Variants in MAEL observed in about 807,000 individuals in gnomAD.
MAEL encodes the protein protein maelstrom homolog.
MAEL carries 46 observed loss-of-function variants against 62.0 expected under a neutral mutation model. The ratio of observed to expected loss-of-function variants is 0.74; its 90% CI spans 0.59 to 0.95. The LOEUF is 0.95. Among genes scored for constraint, MAEL ranks in the 40% least tolerant of loss-of-function variants. MAEL has a pLI of 0.00. For missense variants in MAEL, 497 were observed against 526.8 expected (o/e 0.94, Z 0.55); for synonymous variants, 172 against 175.5 (o/e 0.98, Z 0.16).
intron 1 of MAEL, among the ~76,000 whole-genome samples, chr1:166,981,545 T>C (rs1021321577): frequency 1.3e-5 from 2 of 152,138 alleles, no homozygotes; most frequent in African/African-American, 4.8e-5. Flanking sequence ...TGACAGGGCC[T>C]GTATTAGGAC....
upstream of MAEL, among the ~76,000 whole-genome samples, chr1:166,984,156 A>G (rs1415534231): frequency 6.6e-6 from 1 of 152,106 alleles, no homozygotes; most frequent in Non-Finnish European, 1.5e-5. Context: ...CCCATGGGTT[A>G]CTCAAGCCAA....
chr1:167,002,993 C>T (rs1212669186), intron 5 of MAEL, among the ~76,000 whole-genome samples: 2 of 152,134 alleles, frequency 1.3e-5, no homozygotes, highest in African/African-American at 4.8e-5. Flanking sequence ...GATTCATTCA[C>T]CGCATTTTTG....
intron 1 of MAEL, among the ~76,000 whole-genome samples, chr1:166,980,568 A>G (rs1663730522): frequency 6.6e-6 from 1 of 152,182 alleles, no homozygotes; most frequent in Non-Finnish European, 1.5e-5. Flanking sequence ...GCAGTTAATC[A>G]AGTTAATTAT....
At chr1:167,019,273 A>G (rs1480107492) in intron 10 of MAEL, among the ~76,000 whole-genome samples, 1 of 152,192 alleles carries the variant, frequency 6.6e-6, no homozygotes, top group Non-Finnish European at 1.5e-5. Flanking sequence ...CTAAAATATC[A>G]TTAGTGCCCA....
chr1:167,005,456 AT>A, intron 8 of MAEL, 59 bp downstream of exon 8: 2 of 1,477,084 alleles, frequency 1.4e-6, no homozygotes, highest in Non-Finnish European at 1.8e-6. Flanking sequence ...CTGAGAAAAT[AT>A]GGTAGGACTA....
At chr1:167,011,047 C>T (rs1325084647) in intron 8 of MAEL, among the ~76,000 whole-genome samples, 3 of 151,896 alleles carry the variant, frequency 2.0e-5, no homozygotes, top group Admixed American at 6.6e-5. Flanking sequence ...CCCCCTTCCT[C>T]TTTCACTTAG....
intron 8 of MAEL, among the ~76,000 whole-genome samples, chr1:167,009,334 T>C (rs780454124): frequency 6.6e-6 from 1 of 152,184 alleles, no homozygotes; most frequent in African/African-American, 2.4e-5. Flanking sequence ...TTCCTTGAGT[T>C]TCTAGAAAAT....
chr1:167,010,158 T>A (rs768502061), intron 8 of MAEL, among the ~76,000 whole-genome samples: 1 of 152,166 alleles, frequency 6.6e-6, no homozygotes, highest in Non-Finnish European at 1.5e-5. Context: ...GCATTTCCCC[T>A]GTTTGCACTC....
chr1:166,976,273 G>A (rs1177698816), intron 1 of MAEL, among the ~76,000 whole-genome samples: 1 of 152,172 alleles, frequency 6.6e-6, no homozygotes, highest in African/African-American at 2.4e-5. Context: ...GTCTCAAAAT[G>A]TATGTGTTGA....
chr1:166,995,129 T>C (rs1406793650), intron 5 of MAEL, among the ~76,000 whole-genome samples: 2 of 152,184 alleles, frequency 1.3e-5, no homozygotes, highest in South Asian at 4.1e-4. Flanking sequence ...GACTTATATT[T>C]GGTTGTATAT....
At chr1:167,012,707 G>A (rs1346262711) in intron 8 of MAEL, among the ~76,000 whole-genome samples, 1 of 152,174 alleles carries the variant, frequency 6.6e-6, no homozygotes. Context: ...GAATTTGAGG[G>A]TGTGACATTA....
At chr1:167,004,520 A>G (rs577446806) in intron 6 of MAEL, among the ~76,000 whole-genome samples, 1 of 152,142 alleles carries the variant, frequency 6.6e-6, no homozygotes, top group Non-Finnish European at 1.5e-5. Flanking sequence ...CTAAACATAT[A>G]TCTATTTTGG....
intron 5 of MAEL, among the ~76,000 whole-genome samples, chr1:166,997,995 A>C (rs1231352869): frequency 6.6e-6 from 1 of 152,080 alleles, no homozygotes; most frequent in East Asian, 1.9e-4. Flanking sequence ...GTATCATATC[A>C]TGTTTCTGTT....
At chr1:166,998,808 G>A (rs1464611949) in intron 5 of MAEL, among the ~76,000 whole-genome samples, 6 of 152,058 alleles carry the variant, frequency 3.9e-5, no homozygotes, top group Non-Finnish European at 8.8e-5. Context: ...TTTTTCCAGT[G>A]GCATGTGCTT....
intron 1 of MAEL, among the ~76,000 whole-genome samples, chr1:166,980,952 C>T (rs1311719855): frequency 6.6e-6 from 1 of 152,148 alleles, no homozygotes; most frequent in Non-Finnish European, 1.5e-5. Context: ...AGGCCTTCTT[C>T]CTGGCATAGG....
chr1:166,993,958 T>C, intron 4 of MAEL, 70 bp from the exon 5 acceptor site: 2 of 1,166,724 alleles, frequency 1.7e-6, no homozygotes, highest in Middle Eastern at 3.9e-4. Context: ...TTGGTCATCT[T>C]GTAGAGTATT....
At chr1:167,012,508 A>G (rs1216035770) in intron 8 of MAEL, 1 of 152,248 alleles carries the variant, frequency 6.6e-6, no homozygotes, top group Non-Finnish European at 1.5e-5. Context: ...AAGATGATCC[A>G]AAGGTGAGCA....
chr1:166,980,289 G>A, intron 1 of MAEL, among the ~76,000 whole-genome samples: 1 of 152,144 alleles, frequency 6.6e-6, no homozygotes, highest in Non-Finnish European at 1.5e-5. Context: ...GCCTCCCAAA[G>A]TGCTGGGATT....
At chr1:166,989,151 C>T, upstream of MAEL, 1 of 721,602 alleles carries the variant, frequency 1.4e-6, no homozygotes, top group Non-Finnish European at 2.2e-6. Flanking sequence ...CCCACCTCAC[C>T]CGCAAGGCGG....
Sources: gnomAD v4.1 joint callset for allele counts (sites outside exome capture counted in the v4.1 genomes callset) on GRCh38, gnomAD v4.1.1 for gene constraint, MANE v1.5 for transcripts, NCBI Gene and HGNC (gene_info 2026-07-23, HGNC 2026-07-21) for gene names.